Variants in EPHA5 observed in about 807,000 individuals in gnomAD.
The protein encoded by EPHA5 is ephrin type-A receptor 5.
A neutral mutation model predicts 105.0 loss-of-function variants in EPHA5; 60 were observed. The observed-to-expected ratio is 0.57, with a 90% CI of 0.46 to 0.71. EPHA5 has a LOEUF of 0.71. Among genes scored for constraint, EPHA5 ranks in the 30% least tolerant of loss-of-function variants. The probability of loss-of-function intolerance (pLI) is 0.00; values close to 1 mark genes in which losing one functional copy is unlikely to be tolerated. For synonymous variants in EPHA5, 513 were observed against 449.1 expected (o/e 1.14, Z -1.80); for missense variants, 1,218 against 1,274.7 (o/e 0.96, Z 0.68).
At chr4:65,560,828 A>T (rs993004185) in intron 3 of EPHA5, among the ~76,000 whole-genome samples, 2 of 152,098 alleles carry the variant, frequency 1.3e-5, no homozygotes, top group African/African-American at 4.8e-5. Flanking sequence ...TAGAATATAG[A>T]TTTTATGCTT....
intron 3 of EPHA5, among the ~76,000 whole-genome samples, chr4:65,558,713 C>G (rs1161784384): frequency 6.6e-6 from 1 of 151,900 alleles, no homozygotes; most frequent in Non-Finnish European, 1.5e-5. Context: ...CACAACAGGC[C>G]CTGGTGTGTG....
chr4:65,541,282 G>T (rs1736804963), intron 3 of EPHA5, among the ~76,000 whole-genome samples: 1 of 151,692 alleles, frequency 6.6e-6, no homozygotes, highest in Admixed American at 6.6e-5. Flanking sequence ...TGGGCTAAAT[G>T]CCCCAATTAA....
chr4:65,333,590 C>T (rs1720886871), intron 15 of EPHA5, among the ~76,000 whole-genome samples: 2 of 140,570 alleles, frequency 1.4e-5, no homozygotes, highest in South Asian at 2.2e-4. Flanking sequence ...CTGGATTCCC[C>T]TCAATCTCCT....
At chr4:65,379,152 T>A (rs28704613) in intron 8 of EPHA5, among the ~76,000 whole-genome samples, 7,618 of 151,904 alleles carry the variant, frequency 0.05, 347 homozygotes, top group African/African-American at 0.11. Flanking sequence ...ATAGAATTTG[T>A]CTAACACTTG....
intron 1 of EPHA5, among the ~76,000 whole-genome samples, chr4:65,660,193 T>G (rs1342607777): frequency 6.6e-6 from 1 of 152,146 alleles, no homozygotes; most frequent in East Asian, 1.9e-4. Flanking sequence ...AATTCTGCCC[T>G]CTACCAGTCT....
intron 2 of EPHA5, among the ~76,000 whole-genome samples, chr4:65,620,862 T>C (rs989703298): frequency 1.3e-5 from 2 of 152,156 alleles, no homozygotes; most frequent in Admixed American, 1.3e-4. Flanking sequence ...ATTTCCCATA[T>C]GCTTTTTCCA....
chr4:65,652,079 C>G (rs1748659172), intron 1 of EPHA5, among the ~76,000 whole-genome samples: 1 of 152,116 alleles, frequency 6.6e-6, no homozygotes, highest in Non-Finnish European at 1.5e-5. Flanking sequence ...GAAAAGCCAA[C>G]ATTAGATGAT....
At chr4:65,583,817 T>C (rs943500871) in intron 3 of EPHA5, among the ~76,000 whole-genome samples, 1 of 151,800 alleles carries the variant, frequency 6.6e-6, no homozygotes, top group East Asian at 1.9e-4. Flanking sequence ...TATTTGACAT[T>C]ATGCATTTCC....
intron 3 of EPHA5, among the ~76,000 whole-genome samples, chr4:65,514,432 A>G (rs1348238948): frequency 6.6e-6 from 1 of 152,188 alleles, no homozygotes; most frequent in Non-Finnish European, 1.5e-5. Context: ...GGCCACATGA[A>G]GAGCTACATG....
At chr4:65,416,566 G>A (rs924664620) in intron 6 of EPHA5, among the ~76,000 whole-genome samples, 1 of 152,094 alleles carries the variant, frequency 6.6e-6, no homozygotes, top group Non-Finnish European at 1.5e-5. Flanking sequence ...AATACATTTT[G>A]TAAAAATATT....
chr4:65,476,543 A>G (rs1340710547), intron 5 of EPHA5, among the ~76,000 whole-genome samples: 2 of 152,158 alleles, frequency 1.3e-5, no homozygotes, highest in African/African-American at 2.4e-5. Context: ...GAACTCATTG[A>G]CATAAAGGTG....
At chr4:65,393,723 CT>C (rs1182669797) in intron 8 of EPHA5, among the ~76,000 whole-genome samples, 1 of 152,164 alleles carries the variant, frequency 6.6e-6, no homozygotes, top group Admixed American at 6.6e-5. Context: ...TATCTGGGAA[CT>C]TTTCAGCTGC....
At chr4:65,503,373 A>G (rs1047708137) in intron 3 of EPHA5, among the ~76,000 whole-genome samples, 2 of 151,862 alleles carry the variant, frequency 1.3e-5, no homozygotes, top group Non-Finnish European at 2.9e-5. Context: ...TACGAGCTCT[A>G]AAATTTGGCA....
At chr4:65,444,244 G>T (rs1320609915) in intron 5 of EPHA5, among the ~76,000 whole-genome samples, 1 of 152,062 alleles carries the variant, frequency 6.6e-6, no homozygotes, top group Non-Finnish European at 1.5e-5. Flanking sequence ...AGATCCTTTT[G>T]TCTCTGCAAA....
intron 3 of EPHA5, among the ~76,000 whole-genome samples, chr4:65,496,267 T>C (rs1316878990): frequency 6.6e-6 from 1 of 151,912 alleles, no homozygotes; most frequent in Non-Finnish European, 1.5e-5. Flanking sequence ...TTAGGGTACA[T>C]GTGCACAATG....
At chr4:65,456,183 G>T (rs937928638) in intron 5 of EPHA5, among the ~76,000 whole-genome samples, 16 of 152,154 alleles carry the variant, frequency 1.1e-4, no homozygotes, top group African/African-American at 2.2e-4. Context: ...CCCTAACAGT[G>T]CTCTGCTAGC....
intron 5 of EPHA5, among the ~76,000 whole-genome samples, chr4:65,429,005 C>T (rs183980147): frequency 6.6e-6 from 1 of 152,012 alleles, no homozygotes; most frequent in Non-Finnish European, 1.5e-5. Flanking sequence ...AATCTCACAC[C>T]AAATTAATTG....
intron 5 of EPHA5, among the ~76,000 whole-genome samples, chr4:65,475,226 G>A (rs115148675): frequency 6.6e-6 from 1 of 152,044 alleles, no homozygotes; most frequent in Non-Finnish European, 1.5e-5. Flanking sequence ...CTCTAAAGAC[G>A]ATGCATGCTT....
intron 5 of EPHA5, among the ~76,000 whole-genome samples, chr4:65,445,866 G>T (rs1726468099): frequency 6.6e-6 from 1 of 152,266 alleles, no homozygotes; most frequent in South Asian, 2.1e-4. Flanking sequence ...TCAAGGAATA[G>T]AAATATTACC....
Sources: allele counts gnomAD v4.1 joint callset (sites outside exome capture counted in the v4.1 genomes callset), GRCh38; gene constraint gnomAD v4.1.1; transcripts MANE v1.5; gene names NCBI Gene and HGNC (gene_info 2026-07-23, HGNC 2026-07-21).